RNF43: variants seen among roughly 807,000 people sequenced by gnomAD.
RNF43 encodes E3 ubiquitin-protein ligase RNF43.
Under a neutral mutation model 78.4 loss-of-function variants are expected in RNF43, and 37 were observed. The ratio of observed to expected loss-of-function variants is 0.47; its 90% CI spans 0.36 to 0.62. The LOEUF is 0.62. Ranked by LOEUF, RNF43 falls within the 20% of genes least tolerant of loss-of-function variation. The probability of loss-of-function intolerance (pLI) is 0.00; values close to 1 mark genes in which losing one functional copy is unlikely to be tolerated. For missense variants in RNF43, 774 were observed against 1,007.9 expected (o/e 0.77, Z 3.14); for synonymous variants, 347 against 395.0 (o/e 0.88, Z 1.44).
intron 2 of RNF43, among the ~76,000 whole-genome samples, chr17:58,397,304 T>G (rs1400111619): frequency 6.6e-6 from 1 of 152,200 alleles, no homozygotes; most frequent in Non-Finnish European, 1.5e-5. Context: ...TAATTCTACC[T>G]AATTCTCAAA....
chr17:58,370,154 C>T (rs1973056258), intron 3 of RNF43, among the ~76,000 whole-genome samples: 1 of 149,660 alleles, frequency 6.7e-6, no homozygotes, highest in African/African-American at 2.5e-5. Context: ...CTGCAAGCTC[C>T]ACCTCCTGGG....
At chr17:58,377,395 C>T (rs926657394) in intron 2 of RNF43, among the ~76,000 whole-genome samples, 2 of 152,136 alleles carry the variant, frequency 1.3e-5, no homozygotes, top group Non-Finnish European at 2.9e-5. Flanking sequence ...TTCTGCAAGG[C>T]GCATTCTGGG....
At position 58,357,561 on chromosome 17, in the gene RNF43, G is replaced by C. The variant is rs1598125556; in HGVS notation, c.2215C>G (p.Pro739Ala). 1.9e-6 allele frequency: 3 copies of C among 1,614,198 alleles called. No individual in the cohort carries two copies. The highest frequency in any genetic ancestry group is 2.5e-6 in the Non-Finnish European group (3 of 1,180,026). ...CATTCAGAAGGCCCCTCCCCAGGTG[G>C]ATGTGGTTCCAGGGGCTGGCGAGGA... The part of the protein sequence containing the change: ...LTPRQPLEPH[P>A]PGEGPSEWSS... Residue 739 changes from proline to alanine, a missense_variant, in exon 9 of 10, where the codon CCA becomes GCA. By Grantham distance (27) the Pro-to-Ala change is conservative (BLOSUM62 -1). Transcript: ENST00000407977. The surrounding 1 kb of genome is among the most constrained non-coding windows in gnomAD (Gnocchi z 4.5).
intron 2 of RNF43, among the ~76,000 whole-genome samples, chr17:58,409,166 T>G (rs186365456): frequency 6.6e-6 from 1 of 152,324 alleles, no homozygotes; most frequent in East Asian, 1.9e-4. Context: ...TCAGTCTCTG[T>G]GCAACTTTGT....
At chr17:58,407,069 ATTTTTTTTTTTTT>A (rs35270032) in intron 2 of RNF43, among the ~76,000 whole-genome samples, 3 of 74,184 alleles carry the variant, frequency 4.0e-5, no homozygotes, top group Non-Finnish European at 4.8e-5. Context: ...AGAGACCAGA[ATTTTTTTTTTTTT>A]TTTTTTTTTT....
At chr17:58,379,179 G>A (rs1336930855) in intron 2 of RNF43, among the ~76,000 whole-genome samples, 1 of 152,124 alleles carries the variant, frequency 6.6e-6, no homozygotes, top group Non-Finnish European at 1.5e-5. Flanking sequence ...TAAGCATTAG[G>A]TGAGTACTGT....
At chr17:58,407,776 A>G (rs1452614350) in intron 2 of RNF43, among the ~76,000 whole-genome samples, 1 of 152,240 alleles carries the variant, frequency 6.6e-6, no homozygotes, top group Non-Finnish European at 1.5e-5. Context: ...ACGGGAAGAA[A>G]ACAAAGTTAA....
Position 58,417,253 on chromosome 17 carries a change from T to C in RNF43, c.-622A>G, listed in dbSNP as rs1388817856. ...CAGAAATTTACTCCGGGATGAGAGA[T>C]GCTGTCCCCTAGAACTAAATTAAAC... On this transcript the variant is annotated 5_prime_UTR_variant, in exon 1 of 10. Coordinates refer to ENST00000407977, the MANE Select transcript of RNF43 (RefSeq NM_017763.6). The C allele has an allele frequency of 6.6e-6, 1 of 152,236 alleles. No individual in the cohort carries two copies. Among genetic ancestry groups the C allele is most frequent in the Non-Finnish European group, 1.5e-5 (1 of 68,038 alleles). The allele number at this position is 152,236 out of a possible 1,614,324, so 9.4% of individuals were successfully genotyped here.
Position 58,413,926 on chromosome 17 carries a change from C to T in RNF43, c.252+1400G>A, listed in dbSNP as rs1245012807. On this transcript the variant is annotated intron_variant, in intron 2 of 9. Coordinates refer to ENST00000407977, the MANE Select transcript of RNF43 (RefSeq NM_017763.6). The stretch of plus-strand genomic sequence containing the variant: ...ACTTACGGTCCTAAAATGGAGCACA[C>T]AATTCATGCTTCAGGGTATTAACTA... Among the ~76,000 whole-genome samples the T allele has an allele frequency of 2.0e-5, 3 of 152,266 alleles. No homozygotes were observed. The East Asian group carries it at 5.8e-4, about 29-fold the overall frequency.
At chr17:58,363,648 A>C in intron 3 of RNF43, 48 bp from the exon 4 acceptor site, 2 of 1,541,620 alleles carry the variant, frequency 1.3e-6, no homozygotes, top group Non-Finnish European at 1.8e-6. Context: ...GGAAGGACAG[A>C]GCCCACCCAC....
chr17:58,358,165 C>T lies in RNF43; in HGVS notation c.1611G>A (p.Val537=), dbSNP rs2143406322. 1 of 1,612,210 alleles carries T rather than the reference C, an allele frequency of 6.2e-7. No homozygotes were observed. The change falls in exon 9 of 10, where the codon GTG becomes GTA. Residue 537 remains valine (V), a synonymous_variant. Coordinates refer to ENST00000407977, the MANE Select transcript of RNF43 (RefSeq NM_017763.6). The surrounding 1 kb of genome is among the most constrained non-coding windows in gnomAD (Gnocchi z 6.2). ...TGGAAACCTGGGTTTCCCCTGTGGG[C>T]ACCACCGAGTCCAAGGAACGAGGCC... ...TSRPRSLDSV[V]PTGETQVSSH...
chr17:58,401,563 A>G (rs765997380), intron 2 of RNF43, among the ~76,000 whole-genome samples: 6 of 152,218 alleles, frequency 3.9e-5, no homozygotes, highest in Non-Finnish European at 7.3e-5. Context: ...CTCCCTTTAG[A>G]AAACAAAACA....
rs1972781635 is a variant in RNF43 at position 58,359,504 on chromosome 17, T to C, written c.952+645A>G. 1.3e-5 allele frequency among the ~76,000 whole-genome samples: 2 copies of C among 151,314 alleles called. 1 individual carries two copies. The highest frequency in any genetic ancestry group is 4.2e-4 in the South Asian group (2 of 4,780). On this transcript the variant is annotated intron_variant, in intron 8 of 9. Coordinates refer to ENST00000407977, the MANE Select transcript of RNF43 (RefSeq NM_017763.6). ...CTATAGTCCCAGCTACTCCGGAGGC[T>C]GAGGCAGGAGAATGGCGTGAACCTG... is the stretch of plus-strand genomic sequence containing the variant.
chr17:58,385,143 CTCT>C (rs1183194974), intron 2 of RNF43, among the ~76,000 whole-genome samples: 9 of 152,190 alleles, frequency 5.9e-5, no homozygotes, highest in Non-Finnish European at 1.2e-4. Context: ...ACTTTTCTTC[CTCT>C]TCTTCTTGTT....
At chr17:58,396,452 T>C (rs927115425) in intron 2 of RNF43, among the ~76,000 whole-genome samples, 1 of 152,196 alleles carries the variant, frequency 6.6e-6, no homozygotes, top group Non-Finnish European at 1.5e-5. Flanking sequence ...GAAGTCAGTC[T>C]GTGAGGAGGT....
intron 3 of RNF43, among the ~76,000 whole-genome samples, chr17:58,366,280 T>G (rs998253859): frequency 6.6e-6 from 1 of 152,140 alleles, no homozygotes; most frequent in African/African-American, 2.4e-5. Context: ...ATGTTCAATA[T>G]AGAAAGCAGA....
chr17:58,371,238 A>G (rs1380567121), intron 2 of RNF43, among the ~76,000 whole-genome samples: 1 of 152,186 alleles, frequency 6.6e-6, no homozygotes, highest in African/African-American at 2.4e-5. Context: ...GGACACAGGT[A>G]GTGGAGGCAG....
At chr17:58,382,954 T>C (rs539927942) in intron 2 of RNF43, among the ~76,000 whole-genome samples, 10 of 152,326 alleles carry the variant, frequency 6.6e-5, no homozygotes, top group African/African-American at 2.4e-4. Flanking sequence ...TGTTAAGTTA[T>C]TTTTTGAGAG....
chr17:58,363,706 C>A, intron 3 of RNF43, 106 bp from the exon 4 acceptor site: 1 of 921,588 alleles, frequency 1.1e-6, no homozygotes, highest in South Asian at 1.6e-5. Context: ...GGATTATGCC[C>A]ACAGCACATC....
Sources: gnomAD v4.1 joint callset for allele counts (sites outside exome capture counted in the v4.1 genomes callset) on GRCh38, gnomAD v4.1.1 for gene constraint, Gnocchi (gnomAD v3.1) non-coding constraint, MANE v1.5 for transcripts, NCBI Gene and HGNC (gene_info 2026-07-23, HGNC 2026-07-21) for gene names.